PDE5A: variants seen among roughly 807,000 people sequenced by gnomAD.
The protein encoded by PDE5A is cGMP-specific 3',5'-cyclic phosphodiesterase.
In PDE5A, 67 loss-of-function variants were observed where a neutral mutation model predicts 110.2. The observed-to-expected ratio is 0.61, with a 90% CI of 0.50 to 0.75. The LOEUF (loss-of-function observed/expected upper bound fraction) is 0.75, where lower values mean the gene tolerates loss of function less well. Among genes scored for constraint, PDE5A ranks in the 30% least tolerant of loss-of-function variants. The pLI is 0.00. For missense variants in PDE5A, 862 were observed against 1,045.1 expected (o/e 0.82, Z 2.42); for synonymous variants, 328 against 351.2 (o/e 0.93, Z 0.74).
intron 1 of PDE5A, among the ~76,000 whole-genome samples, chr4:119,611,594 G>C (rs1276850967): frequency 6.6e-6 from 1 of 152,162 alleles, no homozygotes; most frequent in Non-Finnish European, 1.5e-5. Flanking sequence ...CAGAGCCAGT[G>C]CCTAAAAGTT....
chr4:119,549,160 G>C (rs186770039), intron 9 of PDE5A: 19 of 152,246 alleles, frequency 1.2e-4, no homozygotes, highest in Admixed American at 1.0e-3. Flanking sequence ...AAGATAAGAT[G>C]ACGTGGTAGT....
At chr4:119,532,260 A>G (rs548159545) in intron 11 of PDE5A, among the ~76,000 whole-genome samples, 8 of 152,284 alleles carry the variant, frequency 5.3e-5, no homozygotes, top group Middle Eastern at 3.4e-3. Flanking sequence ...GACAGCTATT[A>G]TTATTATCAC....
chr4:119,624,409 GA>G (rs1276958264), intron 1 of PDE5A, among the ~76,000 whole-genome samples: 1 of 151,786 alleles, frequency 6.6e-6, no homozygotes. Context: ...GAATTACAAG[GA>G]AAAAAAATGA....
chr4:119,542,375 AC>A, intron 10 of PDE5A, 83 bp downstream of exon 10: 5 of 1,283,396 alleles, frequency 3.9e-6, no homozygotes, highest in Non-Finnish European at 5.5e-6. Context: ...GACGGAACAC[AC>A]ACACACCATG....
chr4:119,542,562 T>G lies in PDE5A; in HGVS notation c.1469A>C (p.Gln490Pro). 1.9e-6 allele frequency: 3 copies of G among 1,614,034 alleles called. No homozygotes were observed. Among genetic ancestry groups the G allele is most frequent in the Non-Finnish European group, 2.5e-6 (3 of 1,179,924 alleles). The change falls in exon 10 of 21, where the codon CAG becomes CCG. Residue 490 changes from glutamine to proline, a missense_variant. Transcript: ENST00000354960. ...AAAGATGACAAAAGCTTCCAGAAAC[T>G]GTTCGTCATTTCGGTTGAAAGGCTT... ...KVKPFNRNDE[Q>P]FLEAFVIFCG...
At chr4:119,583,037 A>G (rs1578798561) in intron 3 of PDE5A, among the ~76,000 whole-genome samples, 2 of 152,316 alleles carry the variant, frequency 1.3e-5, no homozygotes, top group East Asian at 3.9e-4. Context: ...GAGTCGGCCT[A>G]TCCTTTGATG....
In PDE5A at chr4:119,627,276, G is replaced by A. The variant is rs541962040; in HGVS notation, c.152+1244C>T. On this transcript the variant is annotated intron_variant, in intron 1 of 20. Coordinates refer to ENST00000354960, the MANE Select transcript of PDE5A (RefSeq NM_001083.4). This position sits in a 1 kb window ranked among gnomAD's most constrained non-coding sequence, Gnocchi z 4.6. ...GCAGGTGAGGTGAGGTGAGGTCGGC[G>A]ACTCAGAACCAGCTCCCTCACGGCC... 2.6e-6 allele frequency: 4 copies of A among 1,543,622 alleles called. No homozygotes were observed. The highest frequency in any genetic ancestry group is 2.5e-5 in the East Asian group (1 of 39,822).
At chr4:119,605,469 A>G (rs1729492982) in intron 2 of PDE5A, among the ~76,000 whole-genome samples, 1 of 151,998 alleles carries the variant, frequency 6.6e-6, no homozygotes, top group Non-Finnish European at 1.5e-5. Context: ...CAACATGGTG[A>G]AACTCCGTCT....
chr4:119,607,181 T>A lies in PDE5A; in HGVS notation c.269A>T (p.Asp90Val), dbSNP rs1160864157. 6.2e-7 allele frequency: 1 copy of A among 1,614,136 alleles called. No individual in the cohort carries two copies. Among genetic ancestry groups the A allele is most frequent in the East Asian group, 2.2e-5 (1 of 44,868 alleles). ...GGTTGGTGTTCCAGGGGCACTGTTATCTGCACGAGGACTCTGCTGCAAGGG... is the reference window on the plus strand; with the variant it reads ...GGTTGGTGTTCCAGGGGCACTGTTAACTGCACGAGGACTCTGCTGCAAGGG... ...SCPLQQSPRA[D>V]NSAPGTPTRK... Residue 90 changes from aspartate (D) to valine (V), a missense_variant, in exon 2 of 21, where the codon GAT becomes GTT. Asp to Val is a radical substitution (Grantham distance 152). Coordinates refer to ENST00000354960, the MANE Select transcript of PDE5A (RefSeq NM_001083.4).
intron 11 of PDE5A, among the ~76,000 whole-genome samples, chr4:119,535,361 C>G (rs1014250829): frequency 6.6e-6 from 1 of 152,032 alleles, no homozygotes; most frequent in Non-Finnish European, 1.5e-5. Flanking sequence ...AATCCTTTTC[C>G]GAAGCTTTTG....
At chr4:119,567,266 C>T in intron 3 of PDE5A, 122 bp from the exon 4 acceptor site, 1 of 667,324 alleles carries the variant, frequency 1.5e-6, no homozygotes, top group Non-Finnish European at 2.6e-6. Flanking sequence ...GTCTACAAAA[C>T]AAAAGCAAAA....
chr4:119,569,354 T>C (rs1728059729), intron 3 of PDE5A, among the ~76,000 whole-genome samples: 1 of 152,154 alleles, frequency 6.6e-6, no homozygotes, highest in Non-Finnish European at 1.5e-5. Flanking sequence ...TTAAATGTTT[T>C]ATAGTATAGG....
intron 14 of PDE5A, among the ~76,000 whole-genome samples, chr4:119,513,300 G>T (rs546464440): frequency 6.6e-6 from 1 of 152,084 alleles, no homozygotes; most frequent in Admixed American, 6.5e-5. Flanking sequence ...GACCAGGGGG[G>T]TACAAAGACC....
Position 119,519,149 on chromosome 4 carries a change from C to A in PDE5A, c.1906-10G>T. On this transcript the variant is annotated splice_polypyrimidine_tract_variant and intron_variant, in intron 13 of 20. Coordinates refer to ENST00000354960, the MANE Select transcript of PDE5A (RefSeq NM_001083.4). Reference sequence around the variant, plus strand: ...GGTCAGTCAGCTTGTTCTGCATGACCAAAGACATTGGAGGAAAGAGAGAAC... The same window carrying A: ...GGTCAGTCAGCTTGTTCTGCATGACAAAAGACATTGGAGGAAAGAGAGAAC... 6.3e-7 allele frequency: 1 copy of A among 1,596,994 alleles called. No homozygotes were observed. Among genetic ancestry groups the A allele is most frequent in the East Asian group, 2.2e-5 (1 of 44,754 alleles).
chr4:119,582,583 CT>C (rs1467645548), intron 3 of PDE5A, among the ~76,000 whole-genome samples: 1 of 152,194 alleles, frequency 6.6e-6, no homozygotes, highest in Non-Finnish European at 1.5e-5. Flanking sequence ...TCAATTTACT[CT>C]TCCCAGAGCC....
chr4:119,581,390 T>C (rs1728584132), intron 3 of PDE5A, among the ~76,000 whole-genome samples: 1 of 152,226 alleles, frequency 6.6e-6, no homozygotes, highest in Non-Finnish European at 1.5e-5. Flanking sequence ...GAAAGCTAGA[T>C]ATCCATATAA....
chr4:119,582,267 C>A (rs888265139), intron 3 of PDE5A, among the ~76,000 whole-genome samples: 1 of 152,192 alleles, frequency 6.6e-6, no homozygotes, highest in African/African-American at 2.4e-5. Context: ...GGGATAGAGT[C>A]CATCTCAAGA....
chr4:119,565,075 A>C (rs1727876865), intron 5 of PDE5A, among the ~76,000 whole-genome samples: 1 of 152,134 alleles, frequency 6.6e-6, no homozygotes, highest in Admixed American at 6.6e-5. Context: ...GGATAAGAGT[A>C]ATGGCAAGTA....
chr4:119,593,213 G>A (rs1729040332), intron 3 of PDE5A, among the ~76,000 whole-genome samples: 1 of 152,144 alleles, frequency 6.6e-6, no homozygotes, highest in Non-Finnish European at 1.5e-5. Flanking sequence ...CTTAGCAACT[G>A]CCCTCCTATG....
Sources: gnomAD v4.1 joint callset for allele counts (sites outside exome capture counted in the v4.1 genomes callset) on GRCh38, gnomAD v4.1.1 for gene constraint, Gnocchi (gnomAD v3.1) non-coding constraint, MANE v1.5 for transcripts, NCBI Gene and HGNC (gene_info 2026-07-23, HGNC 2026-07-21) for gene names.